TDRD12: variants seen among roughly 807,000 people sequenced by gnomAD.
TDRD12 encodes the protein tudor domain containing 12.
In TDRD12, 158 loss-of-function variants were observed where a neutral mutation model predicts 133.5. That is an observed-to-expected ratio of 1.18 (90% CI 1.04 to 1.35). The LOEUF is 1.35. Among genes scored for constraint, TDRD12 ranks in the 40% most tolerant of loss-of-function variants. The pLI, the probability that TDRD12 is intolerant of heterozygous loss-of-function variation, is 0.00. For synonymous variants in TDRD12, 460 were observed against 477.9 expected, an observed-to-expected ratio of 0.96 and a Z score of 0.49; for missense variants, 1,443 against 1,321.3, an observed-to-expected ratio of 1.09 and a Z score of -1.43.
exon 10 of TDRD12, chr19:32,827,589 A>C (rs1967636842): frequency 6.4e-6 from 1 of 156,222 alleles, no homozygotes; most frequent in Non-Finnish European, 1.4e-5. Context: ...CATGTTGGAC[A>C]GGCTGGTCTC....
intron 12 of TDRD12, 122 bp downstream of exon 12, chr19:32,790,713 A>C (rs1422484063): frequency 6.5e-7 from 1 of 1,548,018 alleles, no homozygotes; most frequent in Non-Finnish European, 8.7e-7. Flanking sequence ...TGGGGGACTT[A>C]ACCTGAAGAC....
At chr19:32,773,590 G>A (rs1192959225) in intron 10 of TDRD12, 58 bp downstream of exon 10, 27 of 1,465,222 alleles carry the variant, frequency 1.8e-5, no homozygotes, top group Non-Finnish European at 2.4e-5. Flanking sequence ...CCCAGCTACT[G>A]GGGAGGCTGA....
intron 3 of TDRD12, among the ~76,000 whole-genome samples, chr19:32,739,654 GCT>G (rs1268208289): frequency 8.5e-6 from 1 of 117,862 alleles, no homozygotes; most frequent in South Asian, 3.0e-4. Context: ...ATCTCCTGGT[GCT>G]CTCTCTGCAT....
intron 18 of TDRD12, among the ~76,000 whole-genome samples, chr19:32,801,405 T>C (rs1441783582): frequency 6.6e-6 from 1 of 152,148 alleles, no homozygotes; most frequent in African/African-American, 2.4e-5. Context: ...CAGCTAGAAG[T>C]ATAGTTATAT....
intron 1 of TDRD12, among the ~76,000 whole-genome samples, chr19:32,730,298 A>C (rs959703732): frequency 1.3e-5 from 2 of 152,082 alleles, no homozygotes; most frequent in Non-Finnish European, 2.9e-5. Flanking sequence ...CACAAACATG[A>C]CTTTCTCCTT....
rs987489474 is a variant in TDRD12 at position 32,792,088 on chromosome 19, A to C, written c.1287+1020A>C. Among the ~76,000 whole-genome samples, 41 of 152,172 alleles carry C rather than the reference A, an allele frequency of 2.7e-4. 1 individual carries two copies. The highest frequency in any genetic ancestry group is 3.4e-4 in the Non-Finnish European group (23 of 68,020). On this transcript the variant is annotated intron_variant, in intron 13 of 27. Transcript: ENST00000444215. ...TGGTGAAACCCCGTCTCTACTAAAA[A>C]TACAAAAATTCGCCAGGCATGGTGG... is the stretch of plus-strand genomic sequence containing the variant.
exon 14 of TDRD12, chr19:32,794,755 C>G (rs1319684554): frequency 4.3e-6 from 3 of 703,290 alleles, no homozygotes; most frequent in Non-Finnish European, 7.8e-6. Context: ...TACCTCCTAC[C>G]AGTGTTGACA....
exon 1 of TDRD12, chr19:32,720,015 C>G (rs1319822758): frequency 1.9e-6 from 3 of 1,541,476 alleles, no homozygotes; most frequent in East Asian, 4.9e-5. Flanking sequence ...CAGCCTCACC[C>G]GCGACGGTAG....
chr19:32,745,682 A>T (rs1373272231), intron 4 of TDRD12, among the ~76,000 whole-genome samples: 1 of 141,320 alleles, frequency 7.1e-6, no homozygotes, highest in Non-Finnish European at 1.5e-5. Context: ...AGAGAGAGGG[A>T]GAGACTGGCT....
intron 8 of TDRD12, among the ~76,000 whole-genome samples, chr19:32,762,531 G>A (rs1568464424): frequency 2.0e-5 from 3 of 152,178 alleles, no homozygotes; most frequent in African/African-American, 7.2e-5. Context: ...GCTCTGATTG[G>A]TAGGTAATGG....
intron 19 of TDRD12, among the ~76,000 whole-genome samples, chr19:32,802,314 T>C: frequency 6.6e-6 from 1 of 150,522 alleles, no homozygotes; most frequent in East Asian, 1.9e-4. Flanking sequence ...TATATATTCA[T>C]GTATATGACT....
intron 1 of TDRD12, among the ~76,000 whole-genome samples, chr19:32,723,732 A>G (rs1968768045): frequency 6.6e-6 from 1 of 151,050 alleles, no homozygotes; most frequent in African/African-American, 2.4e-5. Flanking sequence ...AGAAATATAT[A>G]TTAATACAGT....
At chr19:32,818,460 G>C (rs1442456001) in intron 27 of TDRD12, among the ~76,000 whole-genome samples, 1 of 152,222 alleles carries the variant, frequency 6.6e-6, no homozygotes, top group African/African-American at 2.4e-5. Context: ...ATGGTTCGTG[G>C]CTACTGTGTT....
chr19:32,812,359 A>G (rs1032978382), intron 24 of TDRD12, among the ~76,000 whole-genome samples: 1 of 152,232 alleles, frequency 6.6e-6, no homozygotes, highest in Non-Finnish European at 1.5e-5. Context: ...TTCTCCAAGG[A>G]AAGGTTATAT....
chr19:32,771,987 C>T (rs766377197), intron 8 of TDRD12, among the ~76,000 whole-genome samples: 7 of 152,200 alleles, frequency 4.6e-5, no homozygotes, highest in East Asian at 3.9e-4. Flanking sequence ...AAATGATTGC[C>T]GGGTAAAACA....
intron 3 of TDRD12, among the ~76,000 whole-genome samples, chr19:32,739,917 T>TGCTCTCTGCATCTCCTGGGC (rs1969359698): frequency 7.4e-6 from 1 of 134,322 alleles, no homozygotes; most frequent in African/African-American, 2.9e-5. Context: ...ATCTCCTGGG[T>TGCTCTCTGCATCTCCTGGGC]ACTCTCTGCA....
chr19:32,815,045 T>G (rs1461513155), intron 25 of TDRD12, among the ~76,000 whole-genome samples: 1 of 152,228 alleles, frequency 6.6e-6, no homozygotes, highest in Non-Finnish European at 1.5e-5. Flanking sequence ...AGGATTCAGG[T>G]CCTTGGCTTA....
rs576942593 is a variant in TDRD12 at position 32,770,749 on chromosome 19, G to A, written c.866-2004G>A. On this transcript the variant is annotated intron_variant, in intron 8 of 27. Transcript: ENST00000444215. ...TGAAAAGGGGGAAATAATTGTGCCC[G>A]TAGAGAAATCACATGGAATTCAATA... 1.0e-3 allele frequency among the ~76,000 whole-genome samples: 155 copies of A among 152,270 alleles called. 1 individual carries two copies. Among genetic ancestry groups the A allele is most frequent in the Non-Finnish European group, 2.0e-3 (137 of 68,024 alleles).
At chr19:32,789,573 T>C (rs1348054652) in intron 11 of TDRD12, among the ~76,000 whole-genome samples, 1 of 152,230 alleles carries the variant, frequency 6.6e-6, no homozygotes, top group Non-Finnish European at 1.5e-5. Flanking sequence ...CCAAGGCTCA[T>C]CTCTGCCATA....
Sources: allele counts gnomAD v4.1 joint callset (sites outside exome capture counted in the v4.1 genomes callset), GRCh38; gene constraint gnomAD v4.1.1; transcripts MANE v1.5; gene names NCBI Gene and HGNC (gene_info 2026-07-23, HGNC 2026-07-21).